Variants in GRID2 observed in about 807,000 individuals in gnomAD.
The protein encoded by GRID2 is glutamate ionotropic receptor delta type subunit 2.
In GRID2, 33 loss-of-function variants were observed where a neutral mutation model predicts 114.8. That is an observed-to-expected ratio of 0.29 (90% CI 0.22 to 0.38). The LOEUF is 0.38. Ranked by LOEUF, GRID2 falls within the 10% of genes least tolerant of loss-of-function variation. The probability of loss-of-function intolerance (pLI) is 1.00; values close to 1 mark genes in which losing one functional copy is unlikely to be tolerated. For missense variants in GRID2, 1,184 were observed against 1,257.7 expected, an observed-to-expected ratio of 0.94 and a Z score of 0.89; for synonymous variants, 505 against 449.9, an observed-to-expected ratio of 1.12 and a Z score of -1.55.
intron 14 of GRID2, among the ~76,000 whole-genome samples, chr4:93,708,950 A>G (rs1477531904): frequency 6.6e-6 from 1 of 152,050 alleles, no homozygotes; most frequent in Non-Finnish European, 1.5e-5. Flanking sequence ...ACTGATTGCA[A>G]AAACAAACAA....
chr4:93,141,556 T>C (rs1735768872), intron 4 of GRID2, among the ~76,000 whole-genome samples: 1 of 151,988 alleles, frequency 6.6e-6, no homozygotes. Context: ...CTTTAAAGCT[T>C]TTGAAAAAAA....
At chr4:92,460,713 G>T (rs1487038112) in intron 1 of GRID2, among the ~76,000 whole-genome samples, 1 of 152,150 alleles carries the variant, frequency 6.6e-6, no homozygotes, top group Non-Finnish European at 1.5e-5. Context: ...TTTAACTCAG[G>T]ACTCATTTTG....
chr4:92,860,734 C>T (rs1384444426), intron 2 of GRID2, among the ~76,000 whole-genome samples: 1 of 152,082 alleles, frequency 6.6e-6, no homozygotes, highest in Non-Finnish European at 1.5e-5. Flanking sequence ...AGGGTAAGGA[C>T]TTGATTTCAT....
At chr4:93,345,559 G>T (rs1760141290) in intron 8 of GRID2, among the ~76,000 whole-genome samples, 1 of 151,932 alleles carries the variant, frequency 6.6e-6, no homozygotes, top group South Asian at 2.1e-4. Flanking sequence ...AGTTTGTACG[G>T]TTTGCAAGTA....
chr4:93,132,802 T>A (rs1734920411), intron 4 of GRID2, among the ~76,000 whole-genome samples: 1 of 152,138 alleles, frequency 6.6e-6, no homozygotes, highest in South Asian at 2.1e-4. Flanking sequence ...AAGTGCTCGA[T>A]GTGCTTCGAA....
At chr4:93,808,600 A>G (rs1208137296) in exon 2 of GRID2, 1 of 152,216 alleles carries the variant, frequency 6.6e-6, no homozygotes, top group Non-Finnish European at 1.5e-5. Context: ...TCAGATGGAA[A>G]TTCTGATACC....
chr4:92,616,801 T>C (rs1192929733), intron 2 of GRID2, among the ~76,000 whole-genome samples: 1 of 151,608 alleles, frequency 6.6e-6, no homozygotes, highest in African/African-American at 2.4e-5. Flanking sequence ...TTTGCAATCC[T>C]TTGATATTTG....
At chr4:92,367,861 C>T (rs1225997030) in intron 1 of GRID2, among the ~76,000 whole-genome samples, 4 of 152,080 alleles carry the variant, frequency 2.6e-5, no homozygotes, top group Admixed American at 2.6e-4. Flanking sequence ...ACATATATAA[C>T]TTGTCTTCTT....
At chr4:93,272,999 C>T (rs1207022196) in intron 8 of GRID2, among the ~76,000 whole-genome samples, 1 of 152,136 alleles carries the variant, frequency 6.6e-6, no homozygotes, top group East Asian at 1.9e-4. Context: ...CCTTGACCAT[C>T]CTTTGTAGTT....
intron 11 of GRID2, among the ~76,000 whole-genome samples, chr4:93,463,506 T>C (rs1014799729): frequency 5.3e-5 from 8 of 152,232 alleles, no homozygotes; most frequent in African/African-American, 1.9e-4. Flanking sequence ...ATCATATTTC[T>C]ACTTATAAAA....
At chr4:92,826,320 T>C (rs544362615) in intron 2 of GRID2, among the ~76,000 whole-genome samples, 1 of 152,222 alleles carries the variant, frequency 6.6e-6, no homozygotes. Context: ...TTTTGCTCTT[T>C]ACATTAATCT....
intron 14 of GRID2, among the ~76,000 whole-genome samples, chr4:93,651,227 A>T (rs1330738085): frequency 1.3e-5 from 2 of 152,158 alleles, no homozygotes; most frequent in Non-Finnish European, 2.9e-5. Context: ...CAACCACTTC[A>T]TGTGTTTCCT....
intron 14 of GRID2, among the ~76,000 whole-genome samples, chr4:93,654,699 T>C (rs1044251170): frequency 6.6e-6 from 1 of 152,062 alleles, no homozygotes; most frequent in African/African-American, 2.4e-5. Flanking sequence ...GATTACAAAA[T>C]AGACATATAG....
At chr4:92,948,668 C>T (rs1189594064) in intron 2 of GRID2, among the ~76,000 whole-genome samples, 4 of 151,816 alleles carry the variant, frequency 2.6e-5, no homozygotes, top group Admixed American at 6.6e-5. Flanking sequence ...AATAAACGTT[C>T]TTAATTTTTT....
chr4:93,161,608 T>C (rs1478951922), intron 4 of GRID2, among the ~76,000 whole-genome samples: 2 of 151,866 alleles, frequency 1.3e-5, no homozygotes, highest in East Asian at 1.9e-4. Context: ...AGACCAGATT[T>C]TGAAATACTG....
chr4:93,204,572 C>T (rs1468119464), intron 4 of GRID2, among the ~76,000 whole-genome samples: 1 of 152,158 alleles, frequency 6.6e-6, no homozygotes, highest in Non-Finnish European at 1.5e-5. Flanking sequence ...TGAGTAGAAT[C>T]ATGGCTTTAG....
At chr4:93,226,154 G>A (rs967685597) in intron 7 of GRID2, among the ~76,000 whole-genome samples, 2 of 152,004 alleles carry the variant, frequency 1.3e-5, no homozygotes, top group Non-Finnish European at 2.9e-5. Flanking sequence ...TTCACGTCCC[G>A]CTCACATATA....
chr4:93,074,759 G>A (rs1336258804), intron 2 of GRID2, among the ~76,000 whole-genome samples: 4 of 152,094 alleles, frequency 2.6e-5, no homozygotes, highest in Non-Finnish European at 5.9e-5. Flanking sequence ...GACTGGTTGG[G>A]ATCAAAGAAG....
At chr4:92,997,505 T>C (rs1030914387) in intron 2 of GRID2, among the ~76,000 whole-genome samples, 4 of 152,134 alleles carry the variant, frequency 2.6e-5, no homozygotes, top group Non-Finnish European at 5.9e-5. Flanking sequence ...TTTGTTTTGA[T>C]AGTGTTAGAA....
Sources: gnomAD v4.1 joint callset for allele counts (sites outside exome capture counted in the v4.1 genomes callset) on GRCh38, gnomAD v4.1.1 for gene constraint, MANE v1.5 for transcripts, NCBI Gene and HGNC (gene_info 2026-07-23, HGNC 2026-07-21) for gene names.